Variants in FBXL7 observed in about 807,000 individuals in gnomAD.
FBXL7 encodes the protein F-box and leucine rich repeat protein 7, also known as F-box/LRR-repeat protein 7.
FBXL7 carries 12 observed loss-of-function variants against 38.3 expected under a neutral mutation model. That is an observed-to-expected ratio of 0.31 (90% CI 0.20 to 0.51). The LOEUF is 0.51. Ranked by LOEUF, FBXL7 falls within the 20% of genes least tolerant of loss-of-function variation. The pLI, the probability that FBXL7 is intolerant of heterozygous loss-of-function variation, is 0.98. For synonymous variants in FBXL7, 297 were observed against 300.9 expected, an observed-to-expected ratio of 0.99 and a Z score of 0.13; for missense variants, 567 against 676.4, an observed-to-expected ratio of 0.84 and a Z score of 1.79.
intron 2 of FBXL7, among the ~76,000 whole-genome samples, chr5:15,748,459 T>G (rs570771461): frequency 2.0e-5 from 3 of 152,346 alleles, no homozygotes; most frequent in African/African-American, 4.8e-5. Context: ...CCCCATACTG[T>G]TCTCCTGGTA....
chr5:15,689,452 T>A (rs1250875737), intron 2 of FBXL7, among the ~76,000 whole-genome samples: 1 of 152,144 alleles, frequency 6.6e-6, no homozygotes, highest in African/African-American at 2.4e-5. Flanking sequence ...ATCAGTGGGA[T>A]GACATGTAAA....
At chr5:15,569,860 G>A (rs1226667911) in intron 1 of FBXL7, among the ~76,000 whole-genome samples, 2 of 152,212 alleles carry the variant, frequency 1.3e-5, no homozygotes, top group Non-Finnish European at 2.9e-5. Context: ...TATGGTTTTT[G>A]TCGTTGGTTC....
At chr5:15,869,023 G>T (rs376337851) in intron 2 of FBXL7, among the ~76,000 whole-genome samples, 4 of 152,098 alleles carry the variant, frequency 2.6e-5, no homozygotes, top group Non-Finnish European at 5.9e-5. Context: ...AGGGGGCTTT[G>T]GTTGTCTCAA....
chr5:15,773,439 T>C (rs1334864888), intron 2 of FBXL7, among the ~76,000 whole-genome samples: 1 of 151,710 alleles, frequency 6.6e-6, no homozygotes, highest in African/African-American at 2.4e-5. Context: ...AGCCTAGGAG[T>C]TCAAGACCAG....
At chr5:15,605,205 G>A (rs1046802078) in intron 1 of FBXL7, among the ~76,000 whole-genome samples, 4 of 152,158 alleles carry the variant, frequency 2.6e-5, no homozygotes, top group Non-Finnish European at 5.9e-5. Flanking sequence ...CAGCCACAGA[G>A]CTGGATCTGA....
intron 2 of FBXL7, among the ~76,000 whole-genome samples, chr5:15,719,210 T>C (rs1744128728): frequency 6.6e-6 from 1 of 152,204 alleles, no homozygotes; most frequent in African/African-American, 2.4e-5. Context: ...AGTTCAGGCT[T>C]TGTTCCTGAG....
intron 2 of FBXL7, among the ~76,000 whole-genome samples, chr5:15,889,989 A>G (rs903249141): frequency 3.9e-5 from 6 of 152,198 alleles, no homozygotes; most frequent in African/African-American, 1.4e-4. Flanking sequence ...GAGATTTCTG[A>G]TAGTCCTGAC....
In FBXL7 at chr5:15,658,822, G is replaced by A. The variant is rs184236193; in HGVS notation, c.127+42750G>A. Among the ~76,000 whole-genome samples, 801 of 152,262 alleles carry A rather than the reference G, an allele frequency of 5.3e-3. 9 individuals carry two copies. The highest frequency in any genetic ancestry group is 0.018 in the African/African-American group (755 of 41,546). ...AGATAACACAAGGAGTTAGGTCAGG[G>A]GTTGATTTTTAACTACCAGGCCCAG... On this transcript the variant is annotated intron_variant, in intron 2 of 3. Coordinates refer to ENST00000504595, the MANE Select transcript of FBXL7 (RefSeq NM_012304.5).
intron 2 of FBXL7, among the ~76,000 whole-genome samples, chr5:15,736,985 T>C (rs766865628): frequency 2.6e-5 from 4 of 152,248 alleles, no homozygotes; most frequent in Non-Finnish European, 4.4e-5. Flanking sequence ...ATAACACCTA[T>C]AACAACTCAT....
intron 1 of FBXL7, among the ~76,000 whole-genome samples, chr5:15,557,326 C>T (rs1199020310): frequency 2.0e-5 from 3 of 152,082 alleles, no homozygotes; most frequent in Admixed American, 6.6e-5. Context: ...CTAAGCCCTA[C>T]AAAAATGTTA....
rs151167902 is a variant in FBXL7, at chr5:15,676,526, A to G, written c.127+60454A>G. On this transcript the variant is annotated intron_variant, in intron 2 of 3. Coordinates refer to ENST00000504595, the MANE Select transcript of FBXL7 (RefSeq NM_012304.5). ...TCTTACTCAAGCTTTTCAAAACAAT[A>G]ACTTTCTGGTTCTTAGTGGCTATCT... Among the ~76,000 whole-genome samples the G allele has an allele frequency of 1.5e-3, 221 of 152,360 alleles. 1 individual carries two copies. Among genetic ancestry groups the G allele is most frequent in the African/African-American group, 4.7e-3 (197 of 41,590 alleles).
At chr5:15,611,103 A>C (rs1030320501) in intron 1 of FBXL7, among the ~76,000 whole-genome samples, 7 of 152,156 alleles carry the variant, frequency 4.6e-5, no homozygotes, top group African/African-American at 1.7e-4. Context: ...CATATTTGAG[A>C]ATTTGCCTAC....
chr5:15,667,990 G>A (rs1055759102), intron 2 of FBXL7, among the ~76,000 whole-genome samples: 29 of 152,182 alleles, frequency 1.9e-4, no homozygotes, highest in African/African-American at 5.8e-4. Context: ...TGCTGGAAGC[G>A]TTAAGTGAGC....
At chr5:15,565,908 C>A in intron 1 of FBXL7, among the ~76,000 whole-genome samples, 1 of 152,128 alleles carries the variant, frequency 6.6e-6, no homozygotes, top group Non-Finnish European at 1.5e-5. Context: ...TCTACTGATT[C>A]AAATGTGAAT....
At chr5:15,872,765 C>T (rs1401171751) in intron 2 of FBXL7, among the ~76,000 whole-genome samples, 1 of 152,138 alleles carries the variant, frequency 6.6e-6, no homozygotes, top group Admixed American at 6.5e-5. Flanking sequence ...AATACAGGAG[C>T]ACCCAGATTC....
intron 2 of FBXL7, among the ~76,000 whole-genome samples, chr5:15,905,935 C>T (rs1005978952): frequency 3.3e-5 from 5 of 151,958 alleles, no homozygotes; most frequent in Non-Finnish European, 5.9e-5. Context: ...GAAGTGTAAC[C>T]AACTAGGATG....
rs971103603 is a variant in FBXL7, at chr5:15,880,911, T to C, written c.128-46979T>C. Among the ~76,000 whole-genome samples the C allele has an allele frequency of 2.0e-5, 3 of 151,886 alleles. No homozygotes were observed. In the East Asian group the frequency reaches 5.8e-4, roughly 29 times the overall value. ...TGTAGTATGATCATTTAAGCTTTAT[T>C]ATTCTATGATTCTAGTACTGTTTTT... On this transcript the variant is annotated intron_variant, in intron 2 of 3. Coordinates refer to ENST00000504595, the MANE Select transcript of FBXL7 (RefSeq NM_012304.5).
At chr5:15,519,249 C>T (rs1048666489) in intron 1 of FBXL7, among the ~76,000 whole-genome samples, 23 of 152,118 alleles carry the variant, frequency 1.5e-4, no homozygotes, top group African/African-American at 4.8e-4. Context: ...AGGCTGAGGC[C>T]GGAGAATCCC....
chr5:15,663,311 G>A (rs1055192708), intron 2 of FBXL7, among the ~76,000 whole-genome samples: 2 of 152,050 alleles, frequency 1.3e-5, no homozygotes, highest in African/African-American at 4.8e-5. Context: ...TGGCTGTTGT[G>A]GGTGTATAGG....
Sources: gnomAD v4.1 joint callset for allele counts (sites outside exome capture counted in the v4.1 genomes callset) on GRCh38, gnomAD v4.1.1 for gene constraint, MANE v1.5 for transcripts, NCBI Gene and HGNC (gene_info 2026-07-23, HGNC 2026-07-21) for gene names.